Variants in SVIL observed in about 807,000 individuals in gnomAD.
SVIL encodes archvillin.
SVIL carries 101 observed loss-of-function variants against 240.4 expected under a neutral mutation model. That is an observed-to-expected ratio of 0.42 (90% CI 0.36 to 0.50). The LOEUF is 0.50. Among genes scored for constraint, SVIL ranks in the 20% least tolerant of loss-of-function variants. The pLI, the probability that SVIL is intolerant of heterozygous loss-of-function variation, is 0.01. For missense variants in SVIL, 2,512 were observed against 2,818.7 expected (o/e 0.89, Z 2.46); for synonymous variants, 999 against 1,100.0 (o/e 0.91, Z 1.82).
chr10:29,722,004 G>A (rs1224535628), intron 1 of SVIL, among the ~76,000 whole-genome samples: 2 of 152,214 alleles, frequency 1.3e-5, no homozygotes, highest in Non-Finnish European at 2.9e-5. Flanking sequence ...TTGGGAGGCC[G>A]AGGCAGGCGG....
At chr10:29,607,050 T>G (rs575892921) in intron 1 of SVIL, among the ~76,000 whole-genome samples, 6 of 152,362 alleles carry the variant, frequency 3.9e-5, no homozygotes, top group African/African-American at 1.4e-4. Context: ...CCACTATGCC[T>G]GGCCTACACA....
intron 1 of SVIL, among the ~76,000 whole-genome samples, chr10:29,615,900 T>G (rs1957410313): frequency 6.6e-6 from 1 of 152,212 alleles, no homozygotes; most frequent in Admixed American, 6.5e-5. Flanking sequence ...CCACACTGAC[T>G]TCCTCACATT....
Position 29,457,428 on chromosome 10 carries a change from C to T in SVIL, c.*819G>A, listed in dbSNP as rs780985517. The T allele has an allele frequency of 3.9e-5, 6 of 152,402 alleles. No homozygotes were observed. The highest frequency in any genetic ancestry group is 3.9e-4 in the East Asian group (2 of 5,170). The allele number at this position is 152,402 out of a possible 1,614,324, so 9.4% of individuals were successfully genotyped here. A position where few individuals can be genotyped will look rare whatever the true frequency, so the allele number is the denominator to read the frequency against. On this transcript the variant is annotated 3_prime_UTR_variant, in exon 38 of 38. Transcript: ENST00000355867. ...AAATGACATGTGTACTGTTTACAAC[C>T]GGTATTAGAAATTGAGATGTTTTTA... is the stretch of plus-strand genomic sequence containing the variant.
upstream of SVIL, among the ~76,000 whole-genome samples, chr10:29,736,488 G>T (rs551736464): frequency 6.6e-6 from 1 of 152,304 alleles, no homozygotes; most frequent in African/African-American, 2.4e-5. Context: ...CCGGCCGGGG[G>T]TGTGGCTGTC....
chr10:29,583,406 C>T (rs2132770504), intron 1 of SVIL, among the ~76,000 whole-genome samples: 1 of 152,230 alleles, frequency 6.6e-6, no homozygotes, highest in Non-Finnish European at 1.5e-5. Flanking sequence ...CAAGCCAATT[C>T]CTCCCACCTC....
intron 12 of SVIL, among the ~76,000 whole-genome samples, chr10:29,528,136 T>A (rs1485229317): frequency 6.6e-6 from 1 of 152,218 alleles, no homozygotes; most frequent in Non-Finnish European, 1.5e-5. Context: ...TTTACTGTTT[T>A]GCTCCCATGG....
At position 29,471,187 on chromosome 10, in the gene SVIL, C is replaced by G. The variant is rs753725836; in HGVS notation, c.5586G>C (p.Gly1862=). 3 of 1,612,318 alleles carry G rather than the reference C, an allele frequency of 1.9e-6. No individual in the cohort carries two copies. Among genetic ancestry groups the G allele is most frequent in the Middle Eastern group, 1.7e-4 (1 of 6,054 alleles). Residue 1862 remains glycine, a synonymous_variant, in exon 31 of 38, where the codon GGG becomes GGC. Coordinates refer to ENST00000355867, the MANE Select transcript of SVIL (RefSeq NM_021738.3). The part of the protein sequence containing the change: ...PPCFLQCFQG[G]MVVHSGRREE... ...CCCGCCTCCCCGAGTGCACCACCAT[C>G]CCCCCCTGGAAACACTGCAGGAAAC...
intron 6 of SVIL, among the ~76,000 whole-genome samples, chr10:29,549,884 AG>A (rs1376249261): frequency 3.3e-5 from 2 of 61,472 alleles, no homozygotes; most frequent in Admixed American, 2.3e-4. Flanking sequence ...GGGTGGGGGG[AG>A]GGGGGAGGGA....
chr10:29,637,108 C>T (rs1958336126), upstream of SVIL, among the ~76,000 whole-genome samples: 1 of 152,106 alleles, frequency 6.6e-6, no homozygotes, highest in South Asian at 2.1e-4. Flanking sequence ...CCTGCCTGGC[C>T]TCACAGTGAT....
At chr10:29,680,492 G>A (rs1185044803) in intron 2 of SVIL, among the ~76,000 whole-genome samples, 1 of 152,226 alleles carries the variant, frequency 6.6e-6, no homozygotes, top group Non-Finnish European at 1.5e-5. Context: ...CCGTGGGATG[G>A]GAGCCTGCAC....
chr10:29,531,321 A>T, intron 9 of SVIL, 33 bp from the exon 10 acceptor site: 3 of 1,595,184 alleles, frequency 1.9e-6, no homozygotes, highest in East Asian at 2.2e-5. Context: ...ACAATAATAC[A>T]TTAGCAGGTG....
intron 6 of SVIL, among the ~76,000 whole-genome samples, chr10:29,537,984 A>G (rs142263943): frequency 6.6e-6 from 1 of 152,326 alleles, no homozygotes; most frequent in Non-Finnish European, 1.5e-5. Flanking sequence ...ATCAACTTTT[A>G]TTTGATGGGA....
intron 36 of SVIL, chr10:29,458,891 C>G (rs1943883373): frequency 5.5e-6 from 1 of 182,974 alleles, no homozygotes; most frequent in African/African-American, 2.4e-5. Context: ...ACTGCAGCCT[C>G]CAGCTCCTGG....
intron 2 of SVIL, among the ~76,000 whole-genome samples, chr10:29,667,087 T>G (rs1959364406): frequency 6.6e-6 from 1 of 152,096 alleles, no homozygotes; most frequent in Admixed American, 6.6e-5. Flanking sequence ...TGTTTCTTCT[T>G]TTTTTCATCA....
At chr10:29,729,669 ACT>A (rs1236677925) in intron 1 of SVIL, among the ~76,000 whole-genome samples, 3 of 149,620 alleles carry the variant, frequency 2.0e-5, no homozygotes, top group Non-Finnish European at 3.0e-5. Context: ...CCCCATCTCT[ACT>A]AAAAACACAA....
chr10:29,504,945 T>G (rs993212964), intron 17 of SVIL, among the ~76,000 whole-genome samples: 2 of 152,262 alleles, frequency 1.3e-5, no homozygotes, highest in African/African-American at 4.8e-5. Context: ...GCAACCAAGC[T>G]GTCCTCCAGT....
At chr10:29,721,452 A>T (rs932107370) in intron 1 of SVIL, among the ~76,000 whole-genome samples, 2 of 152,086 alleles carry the variant, frequency 1.3e-5, no homozygotes, top group East Asian at 3.8e-4. Context: ...ATACAACTGT[A>T]TACTGCCTAC....
At chr10:29,632,839 TAACA>T (rs1179906617) in intron 1 of SVIL, among the ~76,000 whole-genome samples, 1 of 52,400 alleles carries the variant, frequency 1.9e-5, no homozygotes, top group Admixed American at 1.7e-4. Context: ...AAATTATCTT[TAACA>T]CACACACACA....
chr10:29,499,047 T>A lies in SVIL; in HGVS notation c.3664+69A>T, dbSNP rs1948674390. 5.7e-6 allele frequency: 9 copies of A among 1,567,888 alleles called. No homozygotes were observed. In the Middle Eastern group the frequency reaches 5.2e-4, roughly 91 times the overall value. ...TGAGCTATCACGTACCACCATGCCC[T>A]CCATGGGTAAGTGTGCTCACGTGTG... On this transcript the variant is annotated intron_variant, in intron 18 of 37. Coordinates refer to ENST00000355867, the MANE Select transcript of SVIL (RefSeq NM_021738.3).
Sources: allele counts gnomAD v4.1 joint callset (sites outside exome capture counted in the v4.1 genomes callset), GRCh38; gene constraint gnomAD v4.1.1; transcripts MANE v1.5; gene names NCBI Gene and HGNC (gene_info 2026-07-23, HGNC 2026-07-21).